The following SLC24A2 variants were observed in gnomAD, a reference collection of about 807,000 sequenced individuals.
The protein encoded by SLC24A2 is solute carrier family 24 member 2.
Under a neutral mutation model 62.0 loss-of-function variants are expected in SLC24A2, and 36 were observed. The ratio of observed to expected loss-of-function variants is 0.58; its 90% CI spans 0.44 to 0.77. The LOEUF (loss-of-function observed/expected upper bound fraction) is 0.77. Ranked by LOEUF, SLC24A2 falls within the 30% of genes least tolerant of loss-of-function variation. The pLI is 0.00. For missense variants in SLC24A2, 846 were observed against 817.9 expected (o/e 1.03, Z -0.42); for synonymous variants, 358 against 294.0 (o/e 1.22, Z -2.23).
the SLC24A2 span, among the ~76,000 whole-genome samples, chr9:19,896,660 T>A: frequency 9.9e-5 from 15 of 152,046 alleles, no homozygotes; most frequent in Non-Finnish European, 1.5e-5. Flanking sequence ...CATGGTAGAG[T>A]CAGGATTTGA....
chr9:20,257,223 AT>A, the SLC24A2 span, among the ~76,000 whole-genome samples: 2 of 152,180 alleles, frequency 1.3e-5, no homozygotes, highest in Non-Finnish European at 2.9e-5. Context: ...TTTGATCCCA[AT>A]TGCAATTAGT....
At position 19,601,652 on chromosome 9, in the gene SLC24A2, T is replaced by A. The variant is rs916625813; in HGVS notation, c.1079-4373A>T. 6.1e-4 allele frequency among the ~76,000 whole-genome samples: 83 copies of A among 135,492 alleles called. No homozygotes were observed. The East Asian group carries it at 0.014, about 23-fold the overall frequency. 88.9% of individuals were successfully genotyped at this position (135,492 alleles called of 152,430 possible). A position where few individuals can be genotyped will look rare whatever the true frequency, so the allele number is the denominator to read the frequency against. On this transcript the variant is annotated intron_variant, in intron 4 of 10. Coordinates refer to ENST00000341998, the MANE Select transcript of SLC24A2 (RefSeq NM_020344.4). ...TAAACACTGACACTGTTAGAATATT[T>A]TTTTTTTTCCTTTTTCACAAAGTCC...
intron 9 of SLC24A2, among the ~76,000 whole-genome samples, chr9:19,523,683 G>A (rs973851944): frequency 7.2e-5 from 11 of 152,056 alleles, no homozygotes; most frequent in African/African-American, 2.7e-4. Context: ...GGCTGGTCTC[G>A]AACTCCTGAC....
chr9:19,945,384 T>C, the SLC24A2 span, among the ~76,000 whole-genome samples: 2 of 152,050 alleles, frequency 1.3e-5, no homozygotes, highest in Non-Finnish European at 2.9e-5. Context: ...CCTGTGGAAA[T>C]GGACTCCTTT....
chr9:20,287,793 C>A, the SLC24A2 span, among the ~76,000 whole-genome samples: 1 of 152,228 alleles, frequency 6.6e-6, no homozygotes. Context: ...AAAACCACCT[C>A]TCCATCTCTT....
chr9:19,528,278 A>T (rs1049385909), intron 8 of SLC24A2, 140 bp from the exon 9 acceptor site: 2 of 699,946 alleles, frequency 2.9e-6, no homozygotes, highest in Non-Finnish European at 5.2e-6. Context: ...AAAAGACCCT[A>T]CTCACTCCTG....
At chr9:20,048,020 C>A in the SLC24A2 span, among the ~76,000 whole-genome samples, 1 of 152,146 alleles carries the variant, frequency 6.6e-6, no homozygotes, top group Non-Finnish European at 1.5e-5. Flanking sequence ...GGCATATACA[C>A]ATATCCTATC....
the SLC24A2 span, among the ~76,000 whole-genome samples, chr9:19,999,101 T>C: frequency 6.6e-6 from 1 of 152,226 alleles, no homozygotes; most frequent in African/African-American, 2.4e-5. Flanking sequence ...AAAATGAAGA[T>C]GCTAATGCCT....
the SLC24A2 span, among the ~76,000 whole-genome samples, chr9:20,180,639 C>T: frequency 9.2e-4 from 140 of 152,118 alleles, no homozygotes; most frequent in African/African-American, 3.1e-3. Flanking sequence ...TCAAGTTTCC[C>T]GATACATTAA....
chr9:19,773,395 G>A (rs1462069057), intron 2 of SLC24A2, among the ~76,000 whole-genome samples: 1 of 152,154 alleles, frequency 6.6e-6, no homozygotes, highest in Non-Finnish European at 1.5e-5. Context: ...ACTATTTTGG[G>A]CCACAGCTGG....
intron 2 of SLC24A2, among the ~76,000 whole-genome samples, chr9:19,626,589 G>A (rs1001050739): frequency 2.0e-5 from 3 of 152,104 alleles, no homozygotes; most frequent in African/African-American, 7.2e-5. Context: ...AAAGTCTATA[G>A]AAATAAACTT....
chr9:19,753,758 A>T (rs1384771975), intron 2 of SLC24A2, among the ~76,000 whole-genome samples: 2 of 152,184 alleles, frequency 1.3e-5, no homozygotes, highest in African/African-American at 4.8e-5. Flanking sequence ...ACTAGTGAGA[A>T]AAGCAAGCCA....
At chr9:20,214,591 G>A in the SLC24A2 span, among the ~76,000 whole-genome samples, 3 of 151,548 alleles carry the variant, frequency 2.0e-5, no homozygotes, top group East Asian at 3.9e-4. Context: ...CTCCAGCCTG[G>A]GTGACAGAGT....
the SLC24A2 span, among the ~76,000 whole-genome samples, chr9:20,173,275 C>A: frequency 6.6e-6 from 1 of 152,056 alleles, no homozygotes; most frequent in Non-Finnish European, 1.5e-5. Context: ...TGGAACAAGA[C>A]AAAGATGCCC....
At chr9:19,989,768 C>T in the SLC24A2 span, among the ~76,000 whole-genome samples, 2 of 152,200 alleles carry the variant, frequency 1.3e-5, no homozygotes, top group African/African-American at 4.8e-5. Context: ...AATAAGCATG[C>T]TAACCCTTCA....
the SLC24A2 span, among the ~76,000 whole-genome samples, chr9:19,874,348 C>T: frequency 4.6e-5 from 7 of 152,086 alleles, no homozygotes; most frequent in African/African-American, 1.7e-4. Context: ...TCCACAAATA[C>T]AGAATAGAGA....
chr9:19,523,430 C>G (rs138171540), intron 9 of SLC24A2, among the ~76,000 whole-genome samples: 108 of 152,214 alleles, frequency 7.1e-4, no homozygotes, highest in African/African-American at 2.6e-3. Context: ...AGGTATAAAG[C>G]AAATGTTAAA....
the SLC24A2 span, among the ~76,000 whole-genome samples, chr9:20,242,619 G>A: frequency 1.3e-5 from 2 of 152,184 alleles, no homozygotes; most frequent in African/African-American, 4.8e-5. Context: ...TAAGGTGGAT[G>A]TGTCGGATTT....
intron 2 of SLC24A2, among the ~76,000 whole-genome samples, chr9:19,722,882 A>G (rs898786972): frequency 6.6e-6 from 1 of 152,144 alleles, no homozygotes; most frequent in Non-Finnish European, 1.5e-5. Context: ...TGCTAGACCC[A>G]GGTGAAGCTC....
Sources: gnomAD v4.1 joint callset for allele counts (sites outside exome capture counted in the v4.1 genomes callset) on GRCh38, gnomAD v4.1.1 for gene constraint, MANE v1.5 for transcripts, NCBI Gene and HGNC (gene_info 2026-07-23, HGNC 2026-07-21) for gene names.